Variants in CEP63 observed in about 807,000 individuals in gnomAD.
CEP63 encodes the protein centrosomal protein 63, also known as centrosomal protein of 63 kDa.
Under a neutral mutation model 89.1 loss-of-function variants are expected in CEP63, and 84 were observed. The observed-to-expected ratio is 0.94, with a 90% CI of 0.79 to 1.13. The LOEUF is 1.13. CEP63 is among the 50% of genes most tolerant of loss of function. The pLI, the probability that CEP63 is intolerant of heterozygous loss-of-function variation, is 0.00. For missense variants in CEP63, 838 were observed against 813.3 expected, an observed-to-expected ratio of 1.03 and a Z score of -0.37; for synonymous variants, 267 against 272.5, an observed-to-expected ratio of 0.98 and a Z score of 0.20.
At chr3:134,699,833 G>C in the CEP63 span, among the ~76,000 whole-genome samples, 1 of 152,242 alleles carries the variant, frequency 6.6e-6, no homozygotes. Context: ...TCTTAATCAT[G>C]ACTTGTCCAG....
chr3:134,642,099 A>G, the CEP63 span, among the ~76,000 whole-genome samples: 1 of 152,164 alleles, frequency 6.6e-6, no homozygotes, highest in East Asian at 1.9e-4. Flanking sequence ...ATTCTGGCTT[A>G]AAGGGACACT....
intron 2 of CEP63, among the ~76,000 whole-genome samples, chr3:134,497,214 C>T (rs1940398611): frequency 6.6e-6 from 1 of 152,160 alleles, no homozygotes; most frequent in South Asian, 2.1e-4. Context: ...TCCCATTCTA[C>T]AAGTTGTCTT....
the CEP63 span, chr3:134,650,700 G>C: frequency 3.4e-6 from 3 of 886,112 alleles, no homozygotes; most frequent in Non-Finnish European, 4.9e-6. Context: ...GGCAGCCATG[G>C]GGGAGAGGGT....
At chr3:134,647,902 C>A in the CEP63 span, among the ~76,000 whole-genome samples, 1 of 152,204 alleles carries the variant, frequency 6.6e-6, no homozygotes. Flanking sequence ...GGGGAGTGGG[C>A]TAAGACCGTC....
chr3:134,585,001 C>T (rs1958453879), intron 10 of CEP63, among the ~76,000 whole-genome samples: 1 of 132,598 alleles, frequency 7.5e-6, no homozygotes, highest in African/African-American at 3.0e-5. Context: ...AGTATTCTCT[C>T]ACGGTAGTTT....
At chr3:134,654,545 C>A in the CEP63 span, among the ~76,000 whole-genome samples, 1 of 152,156 alleles carries the variant, frequency 6.6e-6, no homozygotes. Context: ...CTCAGCCTAC[C>A]CTGAGATGAG....
the CEP63 span, chr3:134,603,970 T>G: frequency 6.2e-7 from 1 of 1,613,970 alleles, no homozygotes; most frequent in South Asian, 1.1e-5. Context: ...GAGGGCAAAC[T>G]TGCCTGCATG....
At chr3:134,748,394 C>G in the CEP63 span, among the ~76,000 whole-genome samples, 1 of 151,772 alleles carries the variant, frequency 6.6e-6, no homozygotes, top group African/African-American at 2.4e-5. Context: ...AGAACTCATT[C>G]TACACATGAT....
At chr3:134,638,843 T>C in the CEP63 span, among the ~76,000 whole-genome samples, 4 of 152,224 alleles carry the variant, frequency 2.6e-5, no homozygotes, top group Non-Finnish European at 5.9e-5. Flanking sequence ...AGGTTTCATG[T>C]TTTTCATTAA....
chr3:134,674,925 A>C, the CEP63 span, among the ~76,000 whole-genome samples: 1 of 152,172 alleles, frequency 6.6e-6, no homozygotes, highest in Non-Finnish European at 1.5e-5. Flanking sequence ...AAAATGAAAA[A>C]CATTCTATAT....
the CEP63 span, among the ~76,000 whole-genome samples, chr3:134,674,549 T>C: frequency 1.3e-5 from 2 of 152,302 alleles, no homozygotes; most frequent in South Asian, 4.1e-4. Context: ...TATCTGCTCT[T>C]ACCATTGCTA....
At chr3:134,541,510 C>CTTTTTTTTTT (rs564947611) in intron 6 of CEP63, among the ~76,000 whole-genome samples, 1 of 128,354 alleles carries the variant, frequency 7.8e-6, no homozygotes, top group Non-Finnish European at 1.7e-5. Flanking sequence ...TACTAGCCAA[C>CTTTTTTTTTT]TTTTTTTTTT....
At chr3:134,744,861 G>A in the CEP63 span, among the ~76,000 whole-genome samples, 1 of 152,094 alleles carries the variant, frequency 6.6e-6, no homozygotes, top group African/African-American at 2.4e-5. Context: ...TTTGTCTAAT[G>A]CACACTATCT....
the CEP63 span, among the ~76,000 whole-genome samples, chr3:134,730,246 G>A: frequency 1.3e-5 from 2 of 152,168 alleles, no homozygotes; most frequent in Non-Finnish European, 2.9e-5. Context: ...CTACCATAGA[G>A]GCTCAGCTCA....
chr3:134,547,536 T>C (rs528017771), intron 9 of CEP63, 64 bp downstream of exon 9: 199 of 1,401,948 alleles, frequency 1.4e-4, no homozygotes, highest in Non-Finnish European at 1.9e-4. Context: ...GATCATCATA[T>C]TGTAAATGAA....
chr3:134,553,096 T>C (rs1039238807), intron 12 of CEP63: 6 of 152,146 alleles, frequency 3.9e-5, no homozygotes, highest in African/African-American at 1.4e-4. Context: ...CTGAAAATTG[T>C]ATAAATGCTT....
At chr3:134,695,779 C>G in the CEP63 span, among the ~76,000 whole-genome samples, 1 of 152,164 alleles carries the variant, frequency 6.6e-6, no homozygotes, top group African/African-American at 2.4e-5. Context: ...GCCAAGCAAC[C>G]GAGGTCTCCT....
the CEP63 span, chr3:134,610,615 C>T: frequency 4.2e-6 from 2 of 480,130 alleles, no homozygotes; most frequent in Non-Finnish European, 7.4e-6. Flanking sequence ...GCTGCAGTCT[C>T]CGCTGTCTGC....
the CEP63 span, among the ~76,000 whole-genome samples, chr3:134,705,032 G>C: frequency 3.9e-5 from 6 of 152,128 alleles, no homozygotes; most frequent in Non-Finnish European, 7.3e-5. Context: ...GCTTTAGGAG[G>C]AATATCTGCA....
Sources: allele counts gnomAD v4.1 joint callset (sites outside exome capture counted in the v4.1 genomes callset), GRCh38; gene constraint gnomAD v4.1.1; transcripts MANE v1.5; gene names NCBI Gene and HGNC (gene_info 2026-07-23, HGNC 2026-07-21).